HNRNPA3: variants seen among roughly 807,000 people sequenced by gnomAD.
HNRNPA3 encodes the protein epididymis secretory sperm binding protein.
HNRNPA3 carries 3 observed loss-of-function variants against 45.8 expected under a neutral mutation model. The observed-to-expected ratio is 0.07, with a 90% CI of 0.03 to 0.17. The LOEUF (loss-of-function observed/expected upper bound fraction) is 0.17. HNRNPA3 is among the 10% of genes least tolerant of loss of function. The pLI is 1.00. For missense variants in HNRNPA3, 183 were observed against 480.3 expected, an observed-to-expected ratio of 0.38 and a Z score of 5.79; for synonymous variants, 170 against 155.6, an observed-to-expected ratio of 1.09 and a Z score of -0.69.
chr2:177,219,167 C>G lies in HNRNPA3; in HGVS notation c.1084+8C>G. ...CGGGCAGTCCCTATGGTGGTAAGTA[C>G]TTTCTTAAATCAATTCTTTAGAGCC... On this transcript the variant is annotated splice_region_variant and intron_variant, in intron 9 of 10. Transcript: ENST00000392524. 1 of 1,612,536 alleles carries G rather than the reference C, an allele frequency of 6.2e-7. No homozygotes were observed. The highest frequency in any genetic ancestry group is 1.7e-5 in the Admixed American group (1 of 59,690).
exon 11 of HNRNPA3, chr2:177,220,010 AATAG>A (rs1285413486): frequency 6.6e-6 from 1 of 152,622 alleles, no homozygotes; most frequent in Non-Finnish European, 1.5e-5. Flanking sequence ...ATGTGGAGAG[AATAG>A]ATAATTTGTG....
exon 11 of HNRNPA3, chr2:177,219,994 G>T (rs1037038512): frequency 6.6e-6 from 1 of 152,556 alleles, no homozygotes; most frequent in Non-Finnish European, 1.5e-5. Context: ...ATGAATGGGC[G>T]CTGACATGTG....
intron 7 of HNRNPA3, 116 bp downstream of exon 7, chr2:177,217,056 T>C: frequency 8.8e-7 from 1 of 1,141,208 alleles, no homozygotes; most frequent in Non-Finnish European, 1.2e-6. Flanking sequence ...GGTTAAGGTG[T>C]ATTTCCAAAC....
At chr2:177,221,808 G>A (rs1468657253), downstream of HNRNPA3, 1 of 152,668 alleles carries the variant, frequency 6.6e-6, no homozygotes, top group Non-Finnish European at 1.5e-5. Context: ...ATACTATGAT[G>A]ATAGTGAGCA....
downstream of HNRNPA3, chr2:177,220,762 T>C: frequency 6.5e-6 from 1 of 152,788 alleles, no homozygotes; most frequent in Non-Finnish European, 1.5e-5. Context: ...ACATAAATCA[T>C]GTTGTTACCA....
At chr2:177,223,386 T>G (rs1282295230), downstream of HNRNPA3, 1 of 151,820 alleles carries the variant, frequency 6.6e-6, no homozygotes, top group Non-Finnish European at 1.5e-5. Context: ...TCTCAGAAGT[T>G]GTAGCAGCAG....
Position 177,212,879 on chromosome 2 carries a change from G to A in HNRNPA3, c.72+8G>A. On this transcript the variant is annotated splice_region_variant and intron_variant, in intron 1 of 10. Coordinates refer to ENST00000392524, the Ensembl canonical transcript of HNRNPA3. ...CGCCGCCGGGGGGAGGAGGTATTAGGGGGAGAGCGGGGGGTTGGTGGGGAA... is the reference window on the plus strand; with the variant it reads ...CGCCGCCGGGGGGAGGAGGTATTAGAGGGAGAGCGGGGGGTTGGTGGGGAA... 1.4e-6 allele frequency: 2 copies of A among 1,458,814 alleles called. No individual in the cohort carries two copies. Among genetic ancestry groups the A allele is most frequent in the Non-Finnish European group, 1.8e-6 (2 of 1,084,004 alleles). The allele number at this position is 1,458,814 out of a possible 1,614,324, so 90.4% of individuals were successfully genotyped here. A position where few individuals can be genotyped will look rare whatever the true frequency, so the allele number is the denominator to read the frequency against.
chr2:177,214,765 A>C (rs952950791), intron 1 of HNRNPA3, among the ~76,000 whole-genome samples: 3 of 152,232 alleles, frequency 2.0e-5, no homozygotes, highest in African/African-American at 7.2e-5. Context: ...ACTGCACTCT[A>C]GCCTGGGCGA....
At chr2:177,222,724 G>A (rs923300734), downstream of HNRNPA3, 2 of 152,492 alleles carry the variant, frequency 1.3e-5, no homozygotes, top group African/African-American at 4.8e-5. Context: ...TCAGGCAGTC[G>A]AGGCTGCAGT....
rs1342864224 is a variant in HNRNPA3, at chr2:177,216,238, C to A, written c.553+50C>A. On this transcript the variant is annotated intron_variant, in intron 4 of 10. Transcript: ENST00000392524. ...GAATGAGAAAGTAGAACTGGTTTTT[C>A]TGTTTTGAACTAAATTTGCTAAATT... 2.4e-6 allele frequency: 3 copies of A among 1,250,024 alleles called. No homozygotes were observed. In the African/African-American group the frequency reaches 4.5e-5, roughly 19 times the overall value. The allele number at this position is 1,250,024 out of a possible 1,614,324, so 77.4% of individuals were successfully genotyped here. A position where few individuals can be genotyped will look rare whatever the true frequency, so the allele number is the denominator to read the frequency against.
chr2:177,212,888 G>A lies in HNRNPA3; in HGVS notation c.72+17G>A, dbSNP rs941195244. The A allele has an allele frequency of 1.0e-5, 15 of 1,435,654 alleles. No homozygotes were observed. Among genetic ancestry groups the A allele is most frequent in the African/African-American group, 1.5e-5 (1 of 68,540 alleles). The allele number at this position is 1,435,654 out of a possible 1,614,324, so 88.9% of individuals were successfully genotyped here. ...GGGGAGGAGGTATTAGGGGGAGAGC[G>A]GGGGGTTGGTGGGGAATGGCCGGCG... On this transcript the variant is annotated intron_variant, in intron 1 of 10. Transcript: ENST00000392524.
At chr2:177,214,483 T>G (rs1009505121) in intron 1 of HNRNPA3, among the ~76,000 whole-genome samples, 3 of 152,218 alleles carry the variant, frequency 2.0e-5, no homozygotes, top group Non-Finnish European at 2.9e-5. Context: ...TTTAGATTGT[T>G]CTTCATCACA....
At chr2:177,223,511 C>T (rs1558974290), downstream of HNRNPA3, 1 of 152,088 alleles carries the variant, frequency 6.6e-6, no homozygotes, top group Admixed American at 6.5e-5. Context: ...AATTTATACT[C>T]ATGTCCTAAA....
rs1689087334 is a variant in HNRNPA3 at position 177,219,235 on chromosome 2, G to A, written c.1085-12G>A. ...GTGCATACTTCTTTTAAAATACTAT[G>A]TATATTTTCAGGTGGTTATGGATCT... On this transcript the variant is annotated splice_polypyrimidine_tract_variant and intron_variant, in intron 9 of 10. Coordinates refer to ENST00000392524, the Ensembl canonical transcript of HNRNPA3. 1 of 1,612,718 alleles carries A rather than the reference G, an allele frequency of 6.2e-7. No homozygotes were observed.
At chr2:177,213,046 C>G (rs1354429369) in intron 1 of HNRNPA3, among the ~76,000 whole-genome samples, 175 bp downstream of exon 1, 2 of 152,138 alleles carry the variant, frequency 1.3e-5, no homozygotes, top group Non-Finnish European at 2.9e-5. Flanking sequence ...CCCTCGCCCG[C>G]CTCGCCTTCA....
At chr2:177,218,421 T>C (rs748299205) in intron 8 of HNRNPA3, among the ~76,000 whole-genome samples, 3 of 152,208 alleles carry the variant, frequency 2.0e-5, no homozygotes, top group Non-Finnish European at 4.4e-5. Context: ...ATTCAGTACA[T>C]GTTTTACGTG....
exon 10 of HNRNPA3, chr2:177,219,300 A>G: frequency 2.5e-6 from 4 of 1,612,360 alleles, no homozygotes; most frequent in Non-Finnish European, 3.4e-6. Context: ...AAGGTTCTAA[A>G]AACAGCAGAA....
chr2:177,220,494 C>T (rs1689141747), downstream of HNRNPA3: 1 of 153,846 alleles, frequency 6.5e-6, no homozygotes, highest in African/African-American at 2.4e-5. Context: ...TACAAGTTTT[C>T]AGAGCAAGAG....
chr2:177,213,442 C>T (rs994465646), intron 1 of HNRNPA3, among the ~76,000 whole-genome samples: 1 of 152,226 alleles, frequency 6.6e-6, no homozygotes, highest in Non-Finnish European at 1.5e-5. Context: ...TGAAGTTCTG[C>T]CGACGCTTTT....
Sources: allele counts gnomAD v4.1 joint callset (sites outside exome capture counted in the v4.1 genomes callset), GRCh38; gene constraint gnomAD v4.1.1; transcripts MANE v1.5; gene names NCBI Gene and HGNC (gene_info 2026-07-23, HGNC 2026-07-21).